The following CIRSR variants were observed in gnomAD, a reference collection of about 807,000 sequenced individuals.
CIRSR encodes corepressor of RBPJ and splicing regulator.
the CIRSR span, among the ~76,000 whole-genome samples, chr2:174,376,862 A>G: frequency 7.3e-5 from 11 of 151,658 alleles, no homozygotes; most frequent in East Asian, 5.8e-4. Flanking sequence ...AACCAGCTTT[A>G]TTATATCTGA....
chr2:174,380,009 C>T, the CIRSR span, among the ~76,000 whole-genome samples: 1 of 152,062 alleles, frequency 6.6e-6, no homozygotes, highest in Non-Finnish European at 1.5e-5. Context: ...AGGCATGAGC[C>T]ACCACACCCA....
chr2:174,382,897 A>G, the CIRSR span, among the ~76,000 whole-genome samples: 1 of 152,184 alleles, frequency 6.6e-6, no homozygotes, highest in Non-Finnish European at 1.5e-5. Context: ...GAGTGAATAT[A>G]ATTTCTCCTT....
At chr2:174,388,583 C>T in the CIRSR span, among the ~76,000 whole-genome samples, 1 of 152,008 alleles carries the variant, frequency 6.6e-6, no homozygotes, top group East Asian at 1.9e-4. Context: ...CATAGGTAGT[C>T]AATGTTATAC....
the CIRSR span, among the ~76,000 whole-genome samples, chr2:174,356,863 G>C: frequency 6.6e-6 from 1 of 151,900 alleles, no homozygotes; most frequent in Admixed American, 6.6e-5. Context: ...ACATCACATA[G>C]CTTCAACAAT....
chr2:174,376,497 T>C, the CIRSR span, among the ~76,000 whole-genome samples: 2 of 151,900 alleles, frequency 1.3e-5, no homozygotes, highest in Non-Finnish European at 2.9e-5. Flanking sequence ...GGTTAATGAA[T>C]AGAAATGGAG....
chr2:174,380,364 TTCAG>T, the CIRSR span: 1 of 746,318 alleles, frequency 1.3e-6, no homozygotes, highest in Non-Finnish European at 2.1e-6. Flanking sequence ...AATATATTAC[TTCAG>T]TAAGAATACA....
the CIRSR span, among the ~76,000 whole-genome samples, chr2:174,367,781 TA>T: frequency 0.071 from 5,674 of 79,486 alleles, 127 homozygotes; most frequent in Middle Eastern, 0.19. Flanking sequence ...TTTGAGTAGA[TA>T]AAAAAAAAAA....
the CIRSR span, chr2:174,348,581 G>C: frequency 6.2e-7 from 1 of 1,614,050 alleles, no homozygotes. Context: ...CTGTGCCATG[G>C]CTTCTGCTGT....
the CIRSR span, among the ~76,000 whole-genome samples, chr2:174,354,559 ATTT>A: frequency 8.6e-5 from 3 of 34,808 alleles, no homozygotes; most frequent in African/African-American, 2.2e-4. Flanking sequence ...TATTATATAT[ATTT>A]TATATATTAT....
the CIRSR span, among the ~76,000 whole-genome samples, chr2:174,353,402 T>G: frequency 6.6e-6 from 1 of 152,202 alleles, no homozygotes; most frequent in Non-Finnish European, 1.5e-5. Flanking sequence ...TTAAATAAAA[T>G]TGAATTTTAA....
the CIRSR span, among the ~76,000 whole-genome samples, chr2:174,362,238 C>T: frequency 3.3e-5 from 5 of 151,718 alleles, no homozygotes; most frequent in South Asian, 2.1e-4. Context: ...CCCAGGAGGT[C>T]GAGGCTGCAG....
chr2:174,373,362 C>T, the CIRSR span, among the ~76,000 whole-genome samples: 5 of 152,188 alleles, frequency 3.3e-5, no homozygotes, highest in South Asian at 4.1e-4. Flanking sequence ...ATAGCCTTTA[C>T]AACACACCAG....
At chr2:174,348,574 T>C in the CIRSR span, 1 of 1,614,220 alleles carries the variant, frequency 6.2e-7, no homozygotes, top group Middle Eastern at 1.6e-4. Flanking sequence ...TACAAGTCTG[T>C]GCCATGGCTT....
the CIRSR span, among the ~76,000 whole-genome samples, chr2:174,389,298 A>C: frequency 6.6e-6 from 1 of 152,172 alleles, no homozygotes; most frequent in Non-Finnish European, 1.5e-5. Context: ...TTTAACCAAA[A>C]TGCTGATAGT....
At chr2:174,377,465 A>G in the CIRSR span, among the ~76,000 whole-genome samples, 1 of 152,258 alleles carries the variant, frequency 6.6e-6, no homozygotes, top group Admixed American at 6.5e-5. Flanking sequence ...TCACCTGACA[A>G]TACTGAGCGA....
chr2:174,348,507 T>C, the CIRSR span: 1 of 1,603,502 alleles, frequency 6.2e-7, no homozygotes, highest in Non-Finnish European at 8.5e-7. Context: ...TCATTCTCTT[T>C]GTGTCACTTT....
At chr2:174,375,545 G>A in the CIRSR span, among the ~76,000 whole-genome samples, 7 of 152,280 alleles carry the variant, frequency 4.6e-5, no homozygotes, top group South Asian at 1.2e-3. Flanking sequence ...GGAAGCAAAG[G>A]TTGCAGTGAG....
chr2:174,393,392 T>C, the CIRSR span, among the ~76,000 whole-genome samples: 8 of 152,164 alleles, frequency 5.3e-5, no homozygotes, highest in Non-Finnish European at 1.2e-4. Context: ...GGTGAACAAA[T>C]GAGACCTTAA....
At chr2:174,379,424 C>T in the CIRSR span, among the ~76,000 whole-genome samples, 1 of 152,112 alleles carries the variant, frequency 6.6e-6, no homozygotes, top group Non-Finnish European at 1.5e-5. Context: ...CTGTAAAGGT[C>T]CAAATGTAGT....
Sources: gnomAD v4.1 joint callset for allele counts (sites outside exome capture counted in the v4.1 genomes callset) on GRCh38, gnomAD v4.1.1 for gene constraint, MANE v1.5 for transcripts, NCBI Gene and HGNC (gene_info 2026-07-23, HGNC 2026-07-21) for gene names.